SLC35E3: variants seen among roughly 807,000 people sequenced by gnomAD.
SLC35E3 encodes the protein solute carrier family 35 member E3.
In SLC35E3, 28 loss-of-function variants were observed where a neutral mutation model predicts 30.8. That is an observed-to-expected ratio of 0.91 (90% CI 0.67 to 1.25). SLC35E3 has a LOEUF of 1.25. Among genes scored for constraint, SLC35E3 ranks in the 50% most tolerant of loss-of-function variants. The probability of loss-of-function intolerance (pLI) is 0.00; values close to 1 mark genes in which losing one functional copy is unlikely to be tolerated. For missense variants in SLC35E3, 365 were observed against 375.4 expected, an observed-to-expected ratio of 0.97 and a Z score of 0.23; for synonymous variants, 146 against 149.2, an observed-to-expected ratio of 0.98 and a Z score of 0.16.
At chr12:68,755,643 G>A (rs1303534942) in intron 3 of SLC35E3, among the ~76,000 whole-genome samples, 2 of 152,184 alleles carry the variant, frequency 1.3e-5, no homozygotes, top group Non-Finnish European at 2.9e-5. Context: ...GAAGCTTACA[G>A]TCATGGTGGA....
Position 68,766,676 on chromosome 12 carries a change from C to T in SLC35E3, c.*1786C>T, listed in dbSNP as rs1174839396. 7.3e-6 allele frequency: 3 copies of T among 413,328 alleles called. No homozygotes were observed. Among genetic ancestry groups the T allele is most frequent in the African/African-American group, 2.1e-5 (1 of 48,778 alleles). The allele number at this position is 413,328 out of a possible 1,614,324, so 25.6% of individuals were successfully genotyped here. A position where few individuals can be genotyped will look rare whatever the true frequency, so the allele number is the denominator to read the frequency against. On this transcript the variant is annotated 3_prime_UTR_variant, in exon 5 of 5. Coordinates refer to ENST00000398004, the MANE Select transcript of SLC35E3 (RefSeq NM_018656.5). Reference sequence around the variant, plus strand: ...CATGGCTCACTGCAGCCTCAGCCTCCTGGGCTCAAGCAATCCTCCTGCCTC... The same window carrying T: ...CATGGCTCACTGCAGCCTCAGCCTCTTGGGCTCAAGCAATCCTCCTGCCTC...
intron 3 of SLC35E3, among the ~76,000 whole-genome samples, chr12:68,756,572 A>G (rs544097973): frequency 1.3e-5 from 2 of 152,182 alleles, no homozygotes; most frequent in Admixed American, 6.5e-5. Context: ...ACAAAATACT[A>G]GCTAACTGAA....
chr12:68,763,668 T>C (rs1279131718), intron 4 of SLC35E3, among the ~76,000 whole-genome samples: 2 of 152,142 alleles, frequency 1.3e-5, no homozygotes, highest in Non-Finnish European at 2.9e-5. Flanking sequence ...GGATTAGGAT[T>C]AGAGGCGTGA....
chr12:68,768,572 T>C lies in SLC35E3; in HGVS notation c.*3682T>C, dbSNP rs993559107. 2.6e-5 allele frequency: 4 copies of C among 152,236 alleles called. No homozygotes were observed. The highest frequency in any genetic ancestry group is 7.2e-5 in the African/African-American group (3 of 41,466). The allele number at this position is 152,236 out of a possible 1,614,324, so 9.4% of individuals were successfully genotyped here. A position where few individuals can be genotyped will look rare whatever the true frequency, so the allele number is the denominator to read the frequency against. On this transcript the variant is annotated 3_prime_UTR_variant, in exon 5 of 5. Coordinates refer to ENST00000398004, the MANE Select transcript of SLC35E3 (RefSeq NM_018656.5). ...AGATACAGTGCTTTCAAAGAAAACA[T>C]GCTTGCTGTCCTTTGTTACCAGTGT...
In SLC35E3 at chr12:68,772,667, A is replaced by G. The variant is rs1336028498; in HGVS notation, c.*7777A>G. On this transcript the variant is annotated 3_prime_UTR_variant, in exon 5 of 5. Transcript: ENST00000398004. ...AAATGTCTCGTAACTACTATGCCAC[A>G]AGAACAAGCATGGATACTTATTTAA... 2 of 152,204 alleles carry G rather than the reference A, an allele frequency of 1.3e-5. No individual in the cohort carries two copies. Among genetic ancestry groups the G allele is most frequent in the Admixed American group, 6.5e-5 (1 of 15,276 alleles). 9.4% of individuals were successfully genotyped at this position (152,204 alleles called of 1,614,324 possible).
chr12:68,758,968 A>G (rs1043870683), intron 3 of SLC35E3, among the ~76,000 whole-genome samples, 189 bp from the exon 4 acceptor site: 24 of 151,876 alleles, frequency 1.6e-4, no homozygotes, highest in African/African-American at 7.3e-5. Flanking sequence ...TGACCTCGTG[A>G]TCCGCCCGCC....
chr12:68,758,114 T>C (rs1309392707), intron 3 of SLC35E3, among the ~76,000 whole-genome samples: 1 of 142,990 alleles, frequency 7.0e-6, no homozygotes, highest in African/African-American at 2.6e-5. Flanking sequence ...AGAATAAAAA[T>C]GAGCAATTTA....
intron 3 of SLC35E3, 104 bp downstream of exon 3, chr12:68,752,294 C>T (rs963988994): frequency 1.7e-5 from 18 of 1,070,732 alleles, no homozygotes; most frequent in Middle Eastern, 2.9e-4. Context: ...TCCATTCTCA[C>T]ATTTATCGTC....
At chr12:68,752,975 G>A (rs1039799151) in intron 3 of SLC35E3, among the ~76,000 whole-genome samples, 8 of 151,972 alleles carry the variant, frequency 5.3e-5, no homozygotes, top group Non-Finnish European at 1.0e-4. Context: ...GCAAAACCCC[G>A]TCTCTACTAA....
chr12:68,758,950 C>T (rs573318517), intron 3 of SLC35E3, among the ~76,000 whole-genome samples: 6 of 151,922 alleles, frequency 3.9e-5, no homozygotes, highest in South Asian at 2.1e-4. Context: ...ACCATGGTCT[C>T]GATCTCCTGA....
Position 68,746,751 on chromosome 12 carries a change from C to A in SLC35E3, c.374C>A (p.Thr125Asn). The change falls in exon 1 of 5, where the codon ACC becomes AAC. Residue 125 changes from threonine (T) to asparagine (N), a missense_variant. By Grantham distance (65) the Thr-to-Asn change is moderately conservative. Coordinates refer to ENST00000398004, the MANE Select transcript of SLC35E3 (RefSeq NM_018656.5). Reference sequence around the variant, plus strand: ...ATCCAGACCTTCTGCTACCAGAAAACCTTCTCCACCAGAATCCAGCTCACG... The same window carrying A: ...ATCCAGACCTTCTGCTACCAGAAAAACTTCTCCACCAGAATCCAGCTCACG... ...IAIQTFCYQK[T>N]FSTRIQLTLI... The A allele has an allele frequency of 1.9e-6, 3 of 1,595,782 alleles. No homozygotes were observed. Among genetic ancestry groups the A allele is most frequent in the Non-Finnish European group, 2.6e-6 (3 of 1,168,326 alleles).
Position 68,769,748 on chromosome 12 carries a change from T to A in SLC35E3, c.*4858T>A, listed in dbSNP as rs1313763034. 6.6e-6 allele frequency: 1 copy of A among 152,232 alleles called. No homozygotes were observed. Among genetic ancestry groups the A allele is most frequent in the Non-Finnish European group, 1.5e-5 (1 of 68,046 alleles). 9.4% of individuals were successfully genotyped at this position (152,232 alleles called of 1,614,324 possible). A position where few individuals can be genotyped will look rare whatever the true frequency, so the allele number is the denominator to read the frequency against. Reference sequence around the variant, plus strand: ...TCCCAAACTTAAACTGGATTATACCTGCTAATATCAGGAATATAATGATAA... The same window carrying A: ...TCCCAAACTTAAACTGGATTATACCAGCTAATATCAGGAATATAATGATAA... On this transcript the variant is annotated 3_prime_UTR_variant, in exon 5 of 5. Transcript: ENST00000398004.
chr12:68,748,548 AAT>A (rs1878681955), intron 2 of SLC35E3, among the ~76,000 whole-genome samples: 1 of 151,954 alleles, frequency 6.6e-6, no homozygotes, highest in African/African-American at 2.4e-5. Flanking sequence ...TATATTAATA[AAT>A]ATAGAGTAAT....
In SLC35E3 at chr12:68,766,285, A is replaced by G. The variant is rs917727711; in HGVS notation, c.*1395A>G. 1.3e-5 allele frequency: 2 copies of G among 152,020 alleles called. No individual in the cohort carries two copies. Among genetic ancestry groups the G allele is most frequent in the African/African-American group, 2.4e-5 (1 of 41,384 alleles). The allele number at this position is 152,020 out of a possible 1,614,324, so 9.4% of individuals were successfully genotyped here. On this transcript the variant is annotated 3_prime_UTR_variant, in exon 5 of 5. Coordinates refer to ENST00000398004, the MANE Select transcript of SLC35E3 (RefSeq NM_018656.5). ...GCAGATCACCTGAGGTTGGGAGTTC[A>G]AGACCAGTCTGACCAACATGGAGGA...
rs748564533 is a variant in SLC35E3 at position 68,752,151 on chromosome 12, A to T, written c.633A>T (p.Gly211=). Residue 211 remains glycine, a synonymous_variant, in exon 3 of 5, where the codon GGA becomes GGT. Coordinates refer to ENST00000398004, the MANE Select transcript of SLC35E3 (RefSeq NM_018656.5). The part of the protein sequence containing the change: ...VAVPFFEPVF[G]EGGIFGPWSV... ...TGCCCTTCTTTGAGCCAGTGTTTGG[A>T]GAAGGAGGAATATTTGGTCCCTGGT... 23 of 1,613,604 alleles carry T rather than the reference A, an allele frequency of 1.4e-5. No individual in the cohort carries two copies. Among genetic ancestry groups the T allele is most frequent in the Non-Finnish European group, 1.9e-5 (22 of 1,179,930 alleles).
At chr12:68,746,908 T>G in intron 1 of SLC35E3, 129 bp downstream of exon 1, 1 of 1,066,050 alleles carries the variant, frequency 9.4e-7, no homozygotes, top group Non-Finnish European at 1.3e-6. Context: ...TGTGGGCATG[T>G]GAACTTTTAG....
intron 4 of SLC35E3, among the ~76,000 whole-genome samples, chr12:68,759,747 T>A (rs917222633): frequency 1.3e-5 from 2 of 152,008 alleles, no homozygotes. Context: ...GTGGGTTAGC[T>A]TTTTGTGTCA....
chr12:68,758,734 T>C (rs1312666836), intron 3 of SLC35E3, among the ~76,000 whole-genome samples: 14 of 100,684 alleles, frequency 1.4e-4, no homozygotes, highest in African/African-American at 5.1e-4. Flanking sequence ...TCTTTCTTTT[T>C]TTTTTTTTTT....
At position 68,766,653 on chromosome 12, in the gene SLC35E3, T is replaced by C; in HGVS notation, c.*1763T>C. On this transcript the variant is annotated 3_prime_UTR_variant, in exon 5 of 5. Transcript: ENST00000398004. Reference sequence around the variant, plus strand: ...AGGCTGGAATGCAGTGGCACAATCATGGCTCACTGCAGCCTCAGCCTCCTG... The same window carrying C: ...AGGCTGGAATGCAGTGGCACAATCACGGCTCACTGCAGCCTCAGCCTCCTG... The C allele has an allele frequency of 2.7e-6, 1 of 368,160 alleles. No homozygotes were observed. The highest frequency in any genetic ancestry group is 5.6e-6 in the Non-Finnish European group (1 of 178,692). 22.8% of individuals were successfully genotyped at this position (368,160 alleles called of 1,614,324 possible).
Sources: allele counts gnomAD v4.1 joint callset (sites outside exome capture counted in the v4.1 genomes callset), GRCh38; gene constraint gnomAD v4.1.1; transcripts MANE v1.5; gene names NCBI Gene and HGNC (gene_info 2026-07-23, HGNC 2026-07-21).